CCDC186: variants seen among roughly 807,000 people sequenced by gnomAD.
CCDC186 encodes coiled-coil domain containing 186, also known as coiled-coil domain-containing protein 186.
CCDC186 carries 49 observed loss-of-function variants against 113.7 expected under a neutral mutation model. The ratio of observed to expected loss-of-function variants is 0.43; its 90% CI spans 0.34 to 0.55. The LOEUF is 0.55. Ranked by LOEUF, CCDC186 falls within the 20% of genes least tolerant of loss-of-function variation. CCDC186 has a pLI of 0.02. For missense variants in CCDC186, 890 were observed against 1,011.1 expected (o/e 0.88, Z 1.62); for synonymous variants, 355 against 345.8 (o/e 1.03, Z -0.30).
intron 6 of CCDC186, among the ~76,000 whole-genome samples, chr10:114,139,805 G>A (rs181007159): frequency 1.3e-5 from 2 of 152,194 alleles, no homozygotes; most frequent in African/African-American, 4.8e-5. Context: ...AAGAGACAGA[G>A]AGAAGGAACT....
chr10:114,128,535 CAA>C (rs1229175576), intron 13 of CCDC186, among the ~76,000 whole-genome samples: 9 of 152,100 alleles, frequency 5.9e-5, no homozygotes, highest in African/African-American at 2.2e-4. Context: ...ACTGTGGAGT[CAA>C]AGAGTTCTCA....
intron 6 of CCDC186, among the ~76,000 whole-genome samples, chr10:114,138,797 C>T (rs1218325279): frequency 1.3e-5 from 2 of 152,062 alleles, no homozygotes; most frequent in Non-Finnish European, 2.9e-5. Context: ...CTTTTACTTC[C>T]TGTGGTGATT....
intron 1 of CCDC186, among the ~76,000 whole-genome samples, chr10:114,171,515 T>A (rs1282015514): frequency 6.6e-6 from 1 of 152,172 alleles, no homozygotes; most frequent in Non-Finnish European, 1.5e-5. Context: ...CATACCACTA[T>A]ACTCCAGCCT....
At chr10:114,166,268 C>G (rs1000652688) in intron 1 of CCDC186, among the ~76,000 whole-genome samples, 4 of 152,158 alleles carry the variant, frequency 2.6e-5, no homozygotes, top group African/African-American at 9.7e-5. Flanking sequence ...TTTACTAGCC[C>G]AACCAGTCTA....
chr10:114,166,073 C>T (rs1160071785), intron 1 of CCDC186, among the ~76,000 whole-genome samples: 2 of 151,978 alleles, frequency 1.3e-5, no homozygotes, highest in African/African-American at 2.4e-5. Context: ...TCTTAAAGGA[C>T]TGCACTGCAG....
chr10:114,161,358 A>G (rs1456840230), intron 2 of CCDC186, among the ~76,000 whole-genome samples: 1 of 152,202 alleles, frequency 6.6e-6, no homozygotes, highest in East Asian at 1.9e-4. Flanking sequence ...TGAAGAATCC[A>G]TGAACTAATA....
chr10:114,138,242 AAAAACAAAACAAAAC>A (rs550818343), intron 6 of CCDC186, among the ~76,000 whole-genome samples: 2,828 of 144,278 alleles, frequency 0.02, 106 homozygotes, highest in African/African-American at 0.07. Flanking sequence ...TTTGTCACAA[AAAAACAAAACAAAAC>A]AAAACAAAAC....
intron 2 of CCDC186, 103 bp downstream of exon 2, chr10:114,162,534 G>A: frequency 1.2e-6 from 1 of 822,734 alleles, no homozygotes; most frequent in Non-Finnish European, 1.8e-6. Flanking sequence ...ATTCTAATGT[G>A]CAAGTAAAAA....
At position 114,121,460 on chromosome 10, in the gene CCDC186, A is replaced by C. The variant is rs76497509; in HGVS notation, c.*3683T>G. On this transcript the variant is annotated 3_prime_UTR_variant, in exon 16 of 16. Coordinates refer to ENST00000369287, the MANE Select transcript of CCDC186 (RefSeq NM_018017.4). Reference sequence around the variant, plus strand: ...TTTAGAAAATAATATACTGCAAAAGAAAGATTGGAAACATGCGTGACATGA... The same window carrying C: ...TTTAGAAAATAATATACTGCAAAAGCAAGATTGGAAACATGCGTGACATGA... The C allele has an allele frequency of 6.6e-6, 1 of 152,354 alleles. No homozygotes were observed. Among genetic ancestry groups the C allele is most frequent in the African/African-American group, 2.4e-5 (1 of 41,586 alleles). 9.4% of individuals were successfully genotyped at this position (152,354 alleles called of 1,614,324 possible).
At chr10:114,148,822 AG>A (rs1194029076) in intron 4 of CCDC186, among the ~76,000 whole-genome samples, 5 of 152,244 alleles carry the variant, frequency 3.3e-5, no homozygotes, top group African/African-American at 1.2e-4. Context: ...TCTTGTAAGT[AG>A]GGTTCAAATT....
intron 6 of CCDC186, among the ~76,000 whole-genome samples, chr10:114,138,232 T>C (rs552931928): frequency 6.7e-6 from 1 of 148,516 alleles, no homozygotes; most frequent in African/African-American, 2.5e-5. Context: ...AGAGTGAGAC[T>C]TTGTCACAAA....
Position 114,136,196 on chromosome 10 carries a change from T to G in CCDC186, c.1377A>C (p.Thr459=), listed in dbSNP as rs761200574. ...SNELDAKLRV[T]KGELEKQMQE... ...GCATTTGTTTTTCAAGTTCTCCTTT[T>G]GTGACTCTAAGCTTTGCATCAAGCT... Residue 459 remains threonine (T), a synonymous_variant, in exon 8 of 16, where the codon ACA becomes ACC. Coordinates refer to ENST00000369287, the MANE Select transcript of CCDC186 (RefSeq NM_018017.4). 3.1e-6 allele frequency: 5 copies of G among 1,612,966 alleles called. No individual in the cohort carries two copies. The East Asian group carries it at 1.1e-4, about 36-fold the overall frequency.
chr10:114,167,478 G>A (rs1407171555), intron 1 of CCDC186, among the ~76,000 whole-genome samples: 1 of 152,066 alleles, frequency 6.6e-6, no homozygotes, highest in Non-Finnish European at 1.5e-5. Context: ...AAAACAGTAA[G>A]CTGAGTCCTC....
Position 114,170,893 on chromosome 10 carries a change from C to T in CCDC186, c.-62+3122G>A, listed in dbSNP as rs543977617. Among the ~76,000 whole-genome samples, 18 of 151,750 alleles carry T rather than the reference C, an allele frequency of 1.2e-4. No homozygotes were observed. In the South Asian group the frequency reaches 3.7e-3, roughly 32 times the overall value. ...ACCCTCCACCAACTCCCAAATAGTA[C>T]CAAATCCTGTGATAGGATAACAGGA... On this transcript the variant is annotated intron_variant, in intron 1 of 15. Transcript: ENST00000369287.
chr10:114,133,374 G>C (rs941891668), intron 10 of CCDC186, among the ~76,000 whole-genome samples: 4 of 152,134 alleles, frequency 2.6e-5, no homozygotes, highest in Non-Finnish European at 5.9e-5. Flanking sequence ...GAACATGTGA[G>C]GAGAAGCATG....
Position 114,164,110 on chromosome 10 carries a change from ATATATTTT to A in CCDC186, c.-61-789_-61-782del, listed in dbSNP as rs1233497063. 1.7e-3 allele frequency among the ~76,000 whole-genome samples: 178 copies of A among 103,400 alleles called. 1 individual carries two copies. Among genetic ancestry groups the A allele is most frequent in the African/African-American group, 6.4e-3 (167 of 25,906 alleles). 67.8% of individuals were successfully genotyped at this position (103,400 alleles called of 152,430 possible). Reference sequence around the variant, plus strand: ...TGTGTGTGTGTGTGTGTGTATATATATATATTTTTTTTTTTTTTTTTTTTTTTGGGATA... The same window carrying A: ...TGTGTGTGTGTGTGTGTGTATATATATTTTTTTTTTTTTTTTTTTGGGATA... On this transcript the variant is annotated intron_variant, in intron 1 of 15. Coordinates refer to ENST00000369287, the MANE Select transcript of CCDC186 (RefSeq NM_018017.4).
chr10:114,164,858 C>CAT, intron 1 of CCDC186, among the ~76,000 whole-genome samples: 1 of 152,150 alleles, frequency 6.6e-6, no homozygotes, highest in Non-Finnish European at 1.5e-5. Context: ...AGGTAGATTC[C>CAT]ATAGAAGGCT....
intron 6 of CCDC186, among the ~76,000 whole-genome samples, chr10:114,140,093 T>A (rs2119746276): frequency 6.6e-6 from 1 of 152,334 alleles, no homozygotes; most frequent in Non-Finnish European, 1.5e-5. Context: ...AAAACAAACA[T>A]AATCTCACCT....
In CCDC186 at chr10:114,122,730, T is replaced by C. The variant is rs1430205881; in HGVS notation, c.*2413A>G. Reference sequence around the variant, plus strand: ...GAATTAGTATAGAGATAAGTATCTCTGATACATGTAATTACTTTGCTCAGT... The same window carrying C: ...GAATTAGTATAGAGATAAGTATCTCCGATACATGTAATTACTTTGCTCAGT... On this transcript the variant is annotated 3_prime_UTR_variant, in exon 16 of 16. Transcript: ENST00000369287. 2 of 152,196 alleles carry C rather than the reference T, an allele frequency of 1.3e-5. No individual in the cohort carries two copies. The highest frequency in any genetic ancestry group is 6.5e-5 in the Admixed American group (1 of 15,268). The allele number at this position is 152,196 out of a possible 1,614,324, so 9.4% of individuals were successfully genotyped here.
Sources: gnomAD v4.1 joint callset for allele counts (sites outside exome capture counted in the v4.1 genomes callset) on GRCh38, gnomAD v4.1.1 for gene constraint, MANE v1.5 for transcripts, NCBI Gene and HGNC (gene_info 2026-07-23, HGNC 2026-07-21) for gene names.